Variants in TEAD1 observed in about 807,000 individuals in gnomAD.
The protein encoded by TEAD1 is TEA domain transcription factor 1.
A neutral mutation model predicts 54.9 loss-of-function variants in TEAD1; 9 were observed. The observed-to-expected ratio is 0.16, with a 90% CI of 0.10 to 0.29. The LOEUF is 0.29. TEAD1 is among the 10% of genes least tolerant of loss of function. The probability of loss-of-function intolerance (pLI) is 1.00; values close to 1 mark genes in which losing one functional copy is unlikely to be tolerated. For missense variants in TEAD1, 387 were observed against 535.9 expected (o/e 0.72, Z 2.74); for synonymous variants, 200 against 187.8 (o/e 1.07, Z -0.53).
chr11:12,786,403 C>A (rs949159193), intron 3 of TEAD1, among the ~76,000 whole-genome samples: 11 of 152,188 alleles, frequency 7.2e-5, no homozygotes, highest in Non-Finnish European at 1.2e-4. Flanking sequence ...TCCCAGCTGA[C>A]CAGAGTGGTC....
intron 3 of TEAD1, among the ~76,000 whole-genome samples, chr11:12,830,699 CTAAT>C (rs1946757727): frequency 6.6e-6 from 1 of 151,984 alleles, no homozygotes; most frequent in Non-Finnish European, 1.5e-5. Flanking sequence ...TGTATATACA[CTAAT>C]TATATATAAA....
chr11:12,828,856 C>G (rs1386169196), intron 3 of TEAD1, among the ~76,000 whole-genome samples: 2 of 142,914 alleles, frequency 1.4e-5, no homozygotes, highest in Non-Finnish European at 3.0e-5. Flanking sequence ...TTTTTTTTTA[C>G]CCCGTATTTC....
chr11:12,733,207 C>G (rs995396240), intron 2 of TEAD1, among the ~76,000 whole-genome samples: 1 of 152,172 alleles, frequency 6.6e-6, no homozygotes, highest in African/African-American at 2.4e-5. Context: ...GAAGTAAGGT[C>G]TGAGGGCTGG....
At chr11:12,805,844 G>A (rs1026345073) in intron 3 of TEAD1, among the ~76,000 whole-genome samples, 2 of 152,152 alleles carry the variant, frequency 1.3e-5, no homozygotes, top group Non-Finnish European at 2.9e-5. Flanking sequence ...TTACAGCTCC[G>A]TTTGTTGCTT....
intron 3 of TEAD1, among the ~76,000 whole-genome samples, chr11:12,807,119 C>G (rs891627856): frequency 1.3e-5 from 2 of 152,130 alleles, no homozygotes; most frequent in African/African-American, 4.8e-5. Context: ...AATAAAATCC[C>G]CAAATGTGAA....
intron 3 of TEAD1, among the ~76,000 whole-genome samples, chr11:12,839,566 TA>T (rs1404736062): frequency 6.6e-6 from 1 of 152,214 alleles, no homozygotes; most frequent in African/African-American, 2.4e-5. Flanking sequence ...GGGACTGAGG[TA>T]ACAGAAATTA....
At chr11:12,815,246 C>T (rs1012456090) in intron 3 of TEAD1, among the ~76,000 whole-genome samples, 4 of 152,062 alleles carry the variant, frequency 2.6e-5, no homozygotes, top group Non-Finnish European at 5.9e-5. Context: ...AGCTTCCCTC[C>T]CTCCCATCCT....
At chr11:12,840,981 A>C (rs1019596783) in intron 3 of TEAD1, among the ~76,000 whole-genome samples, 1 of 152,170 alleles carries the variant, frequency 6.6e-6, no homozygotes, top group African/African-American at 2.4e-5. Context: ...TCTCATCTCA[A>C]GTTATCAGTT....
chr11:12,689,452 C>T (rs1250158151), intron 2 of TEAD1, among the ~76,000 whole-genome samples: 4 of 152,156 alleles, frequency 2.6e-5, no homozygotes, highest in Non-Finnish European at 4.4e-5. Context: ...GTTTCCTAAC[C>T]CCTGAAATGG....
At chr11:12,718,063 T>TC (rs1944102754) in intron 2 of TEAD1, among the ~76,000 whole-genome samples, 1 of 152,182 alleles carries the variant, frequency 6.6e-6, no homozygotes, top group Non-Finnish European at 1.5e-5. Flanking sequence ...AGTGGTTTTC[T>TC]TAGCCTCTAA....
intron 2 of TEAD1, among the ~76,000 whole-genome samples, chr11:12,710,013 C>G (rs1274758301): frequency 3.9e-5 from 3 of 76,822 alleles, no homozygotes; most frequent in African/African-American, 7.8e-5. Flanking sequence ...GAAGTCTTAC[C>G]AAATTGTTAA....
chr11:12,718,967 A>C (rs773473890), intron 2 of TEAD1, among the ~76,000 whole-genome samples: 3 of 152,108 alleles, frequency 2.0e-5, no homozygotes, highest in Non-Finnish European at 2.9e-5. Flanking sequence ...TTCTTAATTA[A>C]ATCTAAAGAG....
At chr11:12,782,034 C>T (rs1346237745) in intron 3 of TEAD1, among the ~76,000 whole-genome samples, 1 of 151,450 alleles carries the variant, frequency 6.6e-6, no homozygotes, top group African/African-American at 2.4e-5. Flanking sequence ...CCTGTAGCCC[C>T]TGCTACTCAG....
intron 5 of TEAD1, among the ~76,000 whole-genome samples, chr11:12,868,264 C>G (rs1947664861): frequency 6.6e-6 from 1 of 152,322 alleles, no homozygotes. Flanking sequence ...CTTACTCCCT[C>G]AAATCCTTAG....
intron 2 of TEAD1, among the ~76,000 whole-genome samples, chr11:12,722,507 G>A (rs189348165): frequency 8.6e-4 from 131 of 152,284 alleles, no homozygotes; most frequent in Non-Finnish European, 1.6e-3. Context: ...AAAGACCCAG[G>A]CAGAGTATAG....
chr11:12,750,360 G>A (rs1944845173), intron 2 of TEAD1, among the ~76,000 whole-genome samples: 1 of 152,130 alleles, frequency 6.6e-6, no homozygotes, highest in Non-Finnish European at 1.5e-5. Context: ...TTAATCCCAT[G>A]GCTCTGGGTT....
chr11:12,784,300 G>T (rs1199016335), intron 3 of TEAD1, among the ~76,000 whole-genome samples: 1 of 152,120 alleles, frequency 6.6e-6, no homozygotes, highest in Non-Finnish European at 1.5e-5. Context: ...GGGGTAATGA[G>T]TTTTGAGTTG....
chr11:12,783,133 TGC>T (rs1554933039), intron 3 of TEAD1, among the ~76,000 whole-genome samples: 303 of 145,566 alleles, frequency 2.1e-3, no homozygotes, highest in African/African-American at 7.4e-3. Context: ...TGTGTGTGTG[TGC>T]GCGCACTTTC....
intron 3 of TEAD1, among the ~76,000 whole-genome samples, chr11:12,777,020 C>T (rs576048547): frequency 3.4e-4 from 51 of 151,886 alleles, no homozygotes; most frequent in African/African-American, 1.1e-3. Flanking sequence ...CTCTAACTCC[C>T]GACCTCAGGT....
Sources: gnomAD v4.1 joint callset for allele counts (sites outside exome capture counted in the v4.1 genomes callset) on GRCh38, gnomAD v4.1.1 for gene constraint, MANE v1.5 for transcripts, NCBI Gene and HGNC (gene_info 2026-07-23, HGNC 2026-07-21) for gene names.